Variants in SETD9 observed in about 807,000 individuals in gnomAD.
SETD9 encodes the protein SET domain-containing protein 9.
In SETD9, 37 loss-of-function variants were observed where a neutral mutation model predicts 36.4. That is an observed-to-expected ratio of 1.02 (90% CI 0.78 to 1.34). The LOEUF (loss-of-function observed/expected upper bound fraction) is 1.34, where lower values mean the gene tolerates loss of function less well. Ranked by LOEUF, SETD9 falls within the 40% of genes most tolerant of loss-of-function variation. The pLI is 0.00. For missense variants in SETD9, 323 were observed against 353.2 expected, an observed-to-expected ratio of 0.91 and a Z score of 0.69; for synonymous variants, 128 against 132.9, an observed-to-expected ratio of 0.96 and a Z score of 0.26.
intron 5 of SETD9, chr5:56,923,138 T>G (rs1749754439): frequency 1.2e-6 from 2 of 1,613,468 alleles, no homozygotes; most frequent in South Asian, 2.2e-5. Flanking sequence ...TCACTCAGAG[T>G]GTAGGGCCGC....
chr5:56,916,743 A>G (rs1749446851), intron 5 of SETD9, 72 bp from the exon 6 acceptor site: 1 of 1,514,312 alleles, frequency 6.6e-7, no homozygotes, highest in Non-Finnish European at 8.9e-7. Context: ...TATAAAAGCC[A>G]TCTTGGTTAT....
In SETD9 at chr5:56,913,075, A is replaced by T. The variant is rs1299074520; in HGVS notation, c.531A>T (p.Arg177Ser). Residue 177 changes from arginine (R) to serine (S), a missense_variant, in exon 3 of 6, where the codon AGA (arginine) becomes AGT (serine). Coordinates refer to ENST00000285947, the MANE Select transcript of SETD9 (RefSeq NM_153706.4). ...CCATTGGAAATCCGTTTATTTTTAG[A>T]TGCCTGGATGGGGTACTCATTGATG... ...FQSIGNPFIF[R>S]CLDGVLIDGN... The T allele has an allele frequency of 3.1e-6, 5 of 1,613,886 alleles. No individual in the cohort carries two copies. The Admixed American group carries it at 8.3e-5, about 27-fold the overall frequency.
At chr5:56,909,797 C>A in intron 1 of SETD9, 54 bp downstream of exon 1, 1 of 1,531,240 alleles carries the variant, frequency 6.5e-7, no homozygotes, top group South Asian at 1.2e-5. Context: ...TCCCAGACGC[C>A]ACCACGGCGG....
chr5:56,911,428 T>C lies in SETD9; in HGVS notation c.358T>C (p.Leu120=), dbSNP rs751018660. 4.1e-5 allele frequency: 66 copies of C among 1,613,386 alleles called. No individual in the cohort carries two copies. Among genetic ancestry groups the C allele is most frequent in the Non-Finnish European group, 5.3e-5 (62 of 1,179,850 alleles). ...ACCAGAAGAAATTCTTTACAAGACT[T>C]TGGGTTTCAGTGTTGCCCAAGCAAC... ...FKPEEILYKT[L]GFSVAQATSS... Residue 120 remains leucine (L), a synonymous_variant, in exon 2 of 6, where the codon TTG becomes CTG. Transcript: ENST00000285947.
chr5:56,911,358 G>A lies in SETD9; in HGVS notation c.288G>A (p.Gly96=), dbSNP rs138030821. The A allele has an allele frequency of 7.9e-5, 127 of 1,612,672 alleles. No homozygotes were observed. Among genetic ancestry groups the A allele is most frequent in the Non-Finnish European group, 1.0e-4 (119 of 1,179,570 alleles). ...ACCTACTGGCAGTTGAACATCAAGG[G>A]GTGAAACTGCTTGAAAACAGACATC... ...YQDLLAVEHQ[G]VKLLENRHQQ... is the part of the protein sequence containing the mutation. The change falls in exon 2 of 6, where the codon GGG becomes GGA. Residue 96 remains glycine, a synonymous_variant. Coordinates refer to ENST00000285947, the MANE Select transcript of SETD9 (RefSeq NM_153706.4).
chr5:56,923,200 G>A (rs544941914), intron 5 of SETD9: 1 of 1,614,122 alleles, frequency 6.2e-7, no homozygotes, highest in South Asian at 1.1e-5. Context: ...CGTTGGCAGA[G>A]AGACTGCCAA....
At chr5:56,926,071 T>C (rs1193406822), downstream of SETD9, among the ~76,000 whole-genome samples, 1 of 152,036 alleles carries the variant, frequency 6.6e-6, no homozygotes, top group Non-Finnish European at 1.5e-5. Context: ...AATCTAGACA[T>C]AGACCTTACT....
At chr5:56,928,312 C>T (rs1032353929), downstream of SETD9, 1 of 152,540 alleles carries the variant, frequency 6.6e-6, no homozygotes, top group South Asian at 2.1e-4. Flanking sequence ...ACTTTGCATT[C>T]CTACAGGCAA....
intron 5 of SETD9, among the ~76,000 whole-genome samples, chr5:56,924,523 G>A (rs985021020): frequency 1.3e-5 from 2 of 152,110 alleles, no homozygotes; most frequent in African/African-American, 2.4e-5. Context: ...CATCAGATTT[G>A]AGTTCCACTT....
downstream of SETD9, among the ~76,000 whole-genome samples, chr5:56,927,407 C>T (rs1443856926): frequency 6.6e-6 from 1 of 152,142 alleles, no homozygotes; most frequent in Non-Finnish European, 1.5e-5. Flanking sequence ...GCTCTAAAAA[C>T]TAAAGTCCAT....
Position 56,924,171 on chromosome 5 carries a change from T to C in SETD9, c.813-1162T>C, listed in dbSNP as rs181863479. The C allele has an allele frequency of 4.6e-6, 4 of 872,202 alleles. No individual in the cohort carries two copies. The Admixed American group carries it at 1.2e-4, about 27-fold the overall frequency. The allele number at this position is 872,202 out of a possible 1,614,324, so 54.0% of individuals were successfully genotyped here. On this transcript the variant is annotated intron_variant, in intron 5 of 5. Transcript: ENST00000628593. ...TCCCATTATATAGTTCTGAACACTT[T>C]TAATAAATTATAAAGTTCTGAACAC...
chr5:56,923,160 G>C (rs768854071), intron 5 of SETD9: 3 of 1,613,944 alleles, frequency 1.9e-6, no homozygotes, highest in East Asian at 2.2e-5. Context: ...TGCTGATGCA[G>C]AGCATGGGCA....
intron 2 of SETD9, chr5:56,912,049 G>A (rs1219553303): frequency 4.0e-6 from 1 of 250,300 alleles, no homozygotes; most frequent in Non-Finnish European, 6.3e-6. Context: ...CAGCTATTCA[G>A]GAGGTTGAGG....
At chr5:56,909,802 C>G (rs1245401283) in intron 1 of SETD9, 59 bp downstream of exon 1, 1 of 1,305,040 alleles carries the variant, frequency 7.7e-7, no homozygotes, top group East Asian at 4.8e-5. Context: ...GACGCCACCA[C>G]GGCGGCGGGA....
chr5:56,909,492 C>T, upstream of SETD9: 2 of 554,220 alleles, frequency 3.6e-6, no homozygotes, highest in Non-Finnish European at 6.3e-6. Flanking sequence ...GACGAAGCCC[C>T]AGAGCAACAG....
At chr5:56,910,388 G>T in intron 1 of SETD9, 2 of 1,304,130 alleles carry the variant, frequency 1.5e-6, no homozygotes, top group Non-Finnish European at 2.0e-6. Flanking sequence ...GTGGGTTTCG[G>T]ATTGGGGTGA....
chr5:56,910,286 G>A, intron 1 of SETD9: 1 of 1,304,234 alleles, frequency 7.7e-7, no homozygotes, highest in Non-Finnish European at 1.0e-6. Context: ...TACTTCACGT[G>A]GTTAAAGAAG....
chr5:56,911,590 A>C, intron 2 of SETD9, 54 bp downstream of exon 2: 1 of 1,474,198 alleles, frequency 6.8e-7, no homozygotes, highest in Non-Finnish European at 8.9e-7. Flanking sequence ...ATTGATAAAC[A>C]TAAGTTCAGT....
intron 1 of SETD9, chr5:56,910,353 C>A: frequency 1.1e-5 from 14 of 1,304,210 alleles, no homozygotes; most frequent in East Asian, 5.5e-5. Context: ...ACGGGCAGAA[C>A]GCCACTCAAA....
Sources: gnomAD v4.1 joint callset for allele counts (sites outside exome capture counted in the v4.1 genomes callset) on GRCh38, gnomAD v4.1.1 for gene constraint, MANE v1.5 for transcripts, NCBI Gene and HGNC (gene_info 2026-07-23, HGNC 2026-07-21) for gene names.